Variants in TUSC3 observed in about 807,000 individuals in gnomAD.
TUSC3 encodes the protein dolichyl-diphosphooligosaccharide--protein glycosyltransferase subunit TUSC3.
A neutral mutation model predicts 44.8 loss-of-function variants in TUSC3; 45 were observed. The ratio of observed to expected loss-of-function variants is 1.00; its 90% CI spans 0.79 to 1.29. The LOEUF (loss-of-function observed/expected upper bound fraction) is 1.29, where lower values mean the gene tolerates loss of function less well. TUSC3 is among the 50% of genes most tolerant of loss of function. The pLI, the probability that TUSC3 is intolerant of heterozygous loss-of-function variation, is 0.00. For synonymous variants in TUSC3, 212 were observed against 152.9 expected (o/e 1.39, Z -2.85); for missense variants, 519 against 437.9 (o/e 1.19, Z -1.65).
intron 1 of TUSC3, among the ~76,000 whole-genome samples, chr8:15,588,773 G>C (rs1803701832): frequency 6.6e-6 from 1 of 152,132 alleles, no homozygotes. Context: ...CATATGGATG[G>C]ATAGTCAGTT....
upstream of TUSC3, among the ~76,000 whole-genome samples, chr8:15,536,368 C>A (rs574545042): frequency 6.6e-6 from 1 of 152,004 alleles, no homozygotes; most frequent in Non-Finnish European, 1.5e-5. Flanking sequence ...AAGGATCACT[C>A]CAGACACTTT....
At chr8:15,471,846 G>C (rs888819749) in intron 1 of TUSC3, among the ~76,000 whole-genome samples, 2 of 152,022 alleles carry the variant, frequency 1.3e-5, no homozygotes, top group African/African-American at 4.8e-5. Flanking sequence ...TCGAACTCCT[G>C]ACCTCAGGTG....
chr8:15,786,607 A>C, the TUSC3 span, among the ~76,000 whole-genome samples: 1 of 152,116 alleles, frequency 6.6e-6, no homozygotes, highest in Non-Finnish European at 1.5e-5. Context: ...ACAAACACGC[A>C]TGCAGGTAGG....
chr8:15,806,873 A>C, the TUSC3 span: 20 of 1,144,234 alleles, frequency 1.7e-5, no homozygotes, highest in Admixed American at 1.2e-4. Flanking sequence ...TGAAATAATT[A>C]TGTTGGGGAG....
At chr8:15,555,999 T>G (rs1002296109) in intron 1 of TUSC3, among the ~76,000 whole-genome samples, 5 of 151,240 alleles carry the variant, frequency 3.3e-5, no homozygotes, top group African/African-American at 1.2e-4. Flanking sequence ...TTTTATTTTT[T>G]TATTTTTTAT....
intron 1 of TUSC3, among the ~76,000 whole-genome samples, chr8:15,619,385 T>C (rs1018024002): frequency 4.6e-5 from 7 of 152,228 alleles, no homozygotes; most frequent in East Asian, 3.8e-4. Flanking sequence ...TTATAATTGC[T>C]CTCTGCTCTT....
chr8:15,810,303 C>T, the TUSC3 span, among the ~76,000 whole-genome samples: 6 of 152,120 alleles, frequency 3.9e-5, no homozygotes, highest in South Asian at 2.1e-4. Context: ...AATATTTCCT[C>T]CTTGCCAATT....
intron 2 of TUSC3, among the ~76,000 whole-genome samples, chr8:15,526,662 C>T (rs1399804656): frequency 6.6e-6 from 1 of 152,162 alleles, no homozygotes; most frequent in Non-Finnish European, 1.5e-5. Context: ...TGTGAGGCCT[C>T]TCCAGTTACG....
intron 6 of TUSC3, among the ~76,000 whole-genome samples, chr8:15,679,265 TC>T (rs1808312263): frequency 6.6e-6 from 1 of 152,014 alleles, no homozygotes; most frequent in Non-Finnish European, 1.5e-5. Context: ...CTTGGAAGCA[TC>T]TTTTTTTTTT....
At chr8:15,731,585 G>C (rs1810725187) in intron 7 of TUSC3, among the ~76,000 whole-genome samples, 1 of 152,084 alleles carries the variant, frequency 6.6e-6, no homozygotes, top group Non-Finnish European at 1.5e-5. Flanking sequence ...GCTTATGTTA[G>C]GGAAGCCCAC....
At chr8:15,813,611 A>G in the TUSC3 span, among the ~76,000 whole-genome samples, 1 of 152,222 alleles carries the variant, frequency 6.6e-6, no homozygotes, top group East Asian at 1.9e-4. Context: ...TTAAGAATGT[A>G]TATGATTCTA....
At position 15,713,639 on chromosome 8, in the gene TUSC3, G is replaced by T. The variant is rs1585257883; in HGVS notation, c.799-17027G>T. Reference sequence around the variant, plus strand: ...TTGAGGTCTTTCCTCTTGGATTGTAGATGGCTGCCTTCTCCTCCCTCACTC... The same window carrying T: ...TTGAGGTCTTTCCTCTTGGATTGTATATGGCTGCCTTCTCCTCCCTCACTC... On this transcript the variant is annotated intron_variant, in intron 6 of 10. Coordinates refer to ENST00000503731, the MANE Select transcript of TUSC3 (RefSeq NM_006765.4). 2.0e-5 allele frequency among the ~76,000 whole-genome samples: 3 copies of T among 152,144 alleles called. No individual in the cohort carries two copies. In the East Asian group the frequency reaches 5.8e-4, roughly 30 times the overall value.
chr8:15,457,720 C>A (rs1033240574), intron 1 of TUSC3, among the ~76,000 whole-genome samples: 3 of 145,882 alleles, frequency 2.1e-5, no homozygotes, highest in Non-Finnish European at 4.5e-5. Flanking sequence ...AAATAATAAT[C>A]TAATAAAATA....
At chr8:15,594,220 C>A (rs886405958) in intron 1 of TUSC3, among the ~76,000 whole-genome samples, 6 of 151,858 alleles carry the variant, frequency 4.0e-5, no homozygotes, top group African/African-American at 1.5e-4. Context: ...GCTGTTAATT[C>A]CTTCTGCTGT....
chr8:15,823,217 C>T, the TUSC3 span, among the ~76,000 whole-genome samples: 1 of 152,108 alleles, frequency 6.6e-6, no homozygotes, highest in Non-Finnish European at 1.5e-5. Context: ...ATGAGTTTTC[C>T]GGAGCGCTAC....
rs536629315 is a variant in TUSC3 at position 15,592,317 on chromosome 8, A to C, written c.139-30763A>C. Among the ~76,000 whole-genome samples, 10 of 152,338 alleles carry C rather than the reference A, an allele frequency of 6.6e-5. No individual in the cohort carries two copies. The South Asian group carries it at 2.1e-3, about 32-fold the overall frequency. On this transcript the variant is annotated intron_variant, in intron 1 of 10. Coordinates refer to ENST00000503731, the MANE Select transcript of TUSC3 (RefSeq NM_006765.4). ...TAGCAGTAACATCTAATGCTTATTA[A>C]GCTTTTTCTGTGTGAATAGCACTTG...
At chr8:15,807,215 T>C in the TUSC3 span, 1 of 698,348 alleles carries the variant, frequency 1.4e-6, no homozygotes, top group South Asian at 1.5e-5. Flanking sequence ...GTAGCTCGTA[T>C]CGCAACTAAT....
chr8:15,470,234 G>A (rs1800469995), intron 1 of TUSC3, among the ~76,000 whole-genome samples: 1 of 150,766 alleles, frequency 6.6e-6, no homozygotes, highest in Non-Finnish European at 1.5e-5. Context: ...ACTCCAGCCT[G>A]GGCAACAGAG....
intron 2 of TUSC3, among the ~76,000 whole-genome samples, chr8:15,484,075 T>A (rs1008922098): frequency 5.9e-5 from 9 of 152,228 alleles, no homozygotes; most frequent in African/African-American, 2.2e-4. Context: ...GGTCTATTTG[T>A]AGTGAGATTT....
Sources: gnomAD v4.1 joint callset for allele counts (sites outside exome capture counted in the v4.1 genomes callset) on GRCh38, gnomAD v4.1.1 for gene constraint, MANE v1.5 for transcripts, NCBI Gene and HGNC (gene_info 2026-07-23, HGNC 2026-07-21) for gene names.